Variants in KCTD16 observed in about 807,000 individuals in gnomAD.
The protein encoded by KCTD16 is BTB/POZ domain-containing protein KCTD16.
KCTD16 carries 13 observed loss-of-function variants against 33.2 expected under a neutral mutation model. The observed-to-expected ratio is 0.39, with a 90% CI of 0.25 to 0.62. KCTD16 has a LOEUF of 0.62. Among genes scored for constraint, KCTD16 ranks in the 20% least tolerant of loss-of-function variants. KCTD16 has a pLI of 0.50. For synonymous variants in KCTD16, 197 were observed against 195.3 expected (o/e 1.01, Z -0.07); for missense variants, 441 against 525.1 (o/e 0.84, Z 1.57).
chr5:144,362,359 T>C (rs1180677684), intron 3 of KCTD16, among the ~76,000 whole-genome samples: 7 of 152,180 alleles, frequency 4.6e-5, no homozygotes, highest in Non-Finnish European at 8.8e-5. Context: ...TATAATTCAG[T>C]AACGAATTCC....
At chr5:144,238,248 C>T (rs1754307650) in intron 3 of KCTD16, among the ~76,000 whole-genome samples, 1 of 152,028 alleles carries the variant, frequency 6.6e-6, no homozygotes, top group South Asian at 2.1e-4. Flanking sequence ...AGAAATAGGC[C>T]ATAGAACCTT....
rs139127536 is a variant in KCTD16, at chr5:144,185,850, G to T, written c.-327+11378G>T. On this transcript the variant is annotated intron_variant, in intron 2 of 3. Coordinates refer to ENST00000512467, the MANE Select transcript of KCTD16 (RefSeq NM_020768.4). ...ATTTAGTACTTACTATATAATAAAT[G>T]CTGTCCTAAGTATTTTACATGTATT... is the stretch of plus-strand genomic sequence containing the variant. Among the ~76,000 whole-genome samples, 287 of 152,182 alleles carry T rather than the reference G, an allele frequency of 1.9e-3. 1 individual carries two copies. Among genetic ancestry groups the T allele is most frequent in the African/African-American group, 6.7e-3 (276 of 41,500 alleles).
At chr5:144,305,272 C>G (rs951707612) in intron 3 of KCTD16, among the ~76,000 whole-genome samples, 1 of 152,088 alleles carries the variant, frequency 6.6e-6, no homozygotes, top group African/African-American at 2.4e-5. Flanking sequence ...ATAGGAAGAT[C>G]TACCAGCAAA....
chr5:144,262,276 G>A (rs1481221718), intron 3 of KCTD16, among the ~76,000 whole-genome samples: 4 of 152,178 alleles, frequency 2.6e-5, no homozygotes, highest in Non-Finnish European at 5.9e-5. Flanking sequence ...ACAAGAGCTC[G>A]GCTGGGAAAG....
At chr5:144,278,766 G>A (rs1291749984) in intron 3 of KCTD16, among the ~76,000 whole-genome samples, 4 of 151,904 alleles carry the variant, frequency 2.6e-5, no homozygotes, top group African/African-American at 9.7e-5. Flanking sequence ...CTAAGTGCTG[G>A]GATTACAGGC....
At chr5:144,414,785 C>G (rs2126956505) in intron 3 of KCTD16, among the ~76,000 whole-genome samples, 1 of 152,258 alleles carries the variant, frequency 6.6e-6, no homozygotes, top group South Asian at 2.1e-4. Context: ...TGAAGTTACT[C>G]TTTCCCAAGA....
chr5:144,217,800 T>C (rs1753610952), intron 3 of KCTD16, among the ~76,000 whole-genome samples: 1 of 151,842 alleles, frequency 6.6e-6, no homozygotes, highest in Non-Finnish European at 1.5e-5. Flanking sequence ...GATTGGAAAC[T>C]GCAGGCACTT....
At chr5:144,307,564 G>T (rs552282798) in intron 3 of KCTD16, among the ~76,000 whole-genome samples, 1 of 152,240 alleles carries the variant, frequency 6.6e-6, no homozygotes, top group African/African-American at 2.4e-5. Context: ...ACTAAGGCTT[G>T]GTGGTTAAAT....
At chr5:144,470,278 A>G (rs1754439953) in intron 3 of KCTD16, among the ~76,000 whole-genome samples, 1 of 152,292 alleles carries the variant, frequency 6.6e-6, no homozygotes, top group East Asian at 1.9e-4. Flanking sequence ...TCTGGAGCTT[A>G]CATGTGTCAT....
chr5:144,257,772 C>T (rs563094590), intron 3 of KCTD16, among the ~76,000 whole-genome samples: 1 of 152,288 alleles, frequency 6.6e-6, no homozygotes, highest in East Asian at 1.9e-4. Context: ...CAGGCGTGAG[C>T]CACCGTGCCT....
chr5:144,456,581 AGTTGAGGAAGGTAAATT>A (rs992719362), intron 3 of KCTD16, among the ~76,000 whole-genome samples: 7 of 152,266 alleles, frequency 4.6e-5, no homozygotes, highest in African/African-American at 1.7e-4. Flanking sequence ...CTTTGCATTC[AGTTGAGGAAGGTAAATT>A]GCTATGGTCT....
chr5:144,245,364 T>C (rs916483644), intron 3 of KCTD16, among the ~76,000 whole-genome samples: 1 of 152,124 alleles, frequency 6.6e-6, no homozygotes, highest in African/African-American at 2.4e-5. Flanking sequence ...AAGGAAAACA[T>C]CCGCAAGGAA....
At chr5:144,448,145 T>C (rs1753862615) in intron 3 of KCTD16, among the ~76,000 whole-genome samples, 1 of 151,994 alleles carries the variant, frequency 6.6e-6, no homozygotes, top group South Asian at 2.1e-4. Context: ...CCATTGATGC[T>C]GTAGTCTCTT....
At position 144,207,563 on chromosome 5, in the gene KCTD16, G is replaced by T; in HGVS notation, c.832+17G>T. ...TCTTCTACCGTAAGTACAAAGGGTT[G>T]TTTTAATTTTTTATGTGTGTCAATG... On this transcript the variant is annotated intron_variant, in intron 3 of 3. Transcript: ENST00000512467. 1 of 1,578,498 alleles carries T rather than the reference G, an allele frequency of 6.3e-7. No homozygotes were observed. The highest frequency in any genetic ancestry group is 8.7e-7 in the Non-Finnish European group (1 of 1,155,524).
chr5:144,187,077 A>G (rs1196131514), intron 2 of KCTD16, among the ~76,000 whole-genome samples: 4 of 152,206 alleles, frequency 2.6e-5, no homozygotes, highest in Admixed American at 2.6e-4. Flanking sequence ...TAAATTCCAT[A>G]TATACATAAA....
At chr5:144,274,209 CCT>C in intron 3 of KCTD16, among the ~76,000 whole-genome samples, 1 of 150,808 alleles carries the variant, frequency 6.6e-6, no homozygotes, top group Non-Finnish European at 1.5e-5. Context: ...ACTGTTTCCC[CCT>C]CTTTTTCTCT....
intron 3 of KCTD16, among the ~76,000 whole-genome samples, chr5:144,333,963 C>T (rs1025581190): frequency 5.3e-5 from 8 of 152,104 alleles, no homozygotes; most frequent in Admixed American, 3.3e-4. Flanking sequence ...TTTGGCCTAC[C>T]GTTATCCAAC....
intron 3 of KCTD16, among the ~76,000 whole-genome samples, chr5:144,210,737 C>A (rs1257414740): frequency 6.6e-6 from 1 of 152,148 alleles, no homozygotes; most frequent in African/African-American, 2.4e-5. Flanking sequence ...ACCTTTATTT[C>A]CAGAGCCATC....
intron 3 of KCTD16, among the ~76,000 whole-genome samples, chr5:144,220,834 G>T (rs1021749334): frequency 8.5e-5 from 13 of 152,108 alleles, no homozygotes; most frequent in Non-Finnish European, 1.9e-4. Context: ...CCAGCTACCT[G>T]GGAGGCTGAG....
Sources: gnomAD v4.1 joint callset for allele counts (sites outside exome capture counted in the v4.1 genomes callset) on GRCh38, gnomAD v4.1.1 for gene constraint, MANE v1.5 for transcripts, NCBI Gene and HGNC (gene_info 2026-07-23, HGNC 2026-07-21) for gene names.